HOMER2: variants seen among roughly 807,000 people sequenced by gnomAD.
HOMER2 encodes homer protein homolog 2.
A neutral mutation model predicts 47.0 loss-of-function variants in HOMER2; 27 were observed. The observed-to-expected ratio is 0.57, with a 90% CI of 0.42 to 0.79. The LOEUF (loss-of-function observed/expected upper bound fraction) is 0.79. HOMER2 is among the 30% of genes least tolerant of loss of function. HOMER2 has a pLI of 0.00. For missense variants in HOMER2, 443 were observed against 435.0 expected, an observed-to-expected ratio of 1.02 and a Z score of -0.16; for synonymous variants, 161 against 163.8, an observed-to-expected ratio of 0.98 and a Z score of 0.13.
intron 1 of HOMER2, among the ~76,000 whole-genome samples, chr15:82,960,434 A>G (rs762943653): frequency 7.9e-5 from 12 of 152,128 alleles, no homozygotes; most frequent in Non-Finnish European, 1.6e-4. Context: ...TGAGGGAATC[A>G]CCAGGGAGGA....
chr15:82,870,159 T>C (rs1256439), intron 3 of HOMER2, among the ~76,000 whole-genome samples: 77,797 of 152,088 alleles, frequency 0.51, 20,397 homozygotes, highest in African/African-American at 0.62. Context: ...AACACTACTG[T>C]TTGTTTATTC....
At chr15:82,955,372 T>A (rs1009545532), upstream of HOMER2, among the ~76,000 whole-genome samples, 1 of 151,790 alleles carries the variant, frequency 6.6e-6, no homozygotes, top group African/African-American at 2.4e-5. Flanking sequence ...GGTTTCACCA[T>A]GTTAGCTAGG....
Position 82,849,181 on chromosome 15 carries a change from AATGCACCC to A in HOMER2, c.*526_*533del, listed in dbSNP as rs1251854020. ...GGATGCAGGCAACTCCGGGCCAGAA[AATGCACCC>A]ACCAGAAGCTTGTTTTCCATCTCTC... On this transcript the variant is annotated 3_prime_UTR_variant, in exon 9 of 9. Coordinates refer to ENST00000450735, the MANE Select transcript of HOMER2 (RefSeq NM_004839.4). The A allele has an allele frequency of 6.6e-6, 1 of 152,580 alleles. No individual in the cohort carries two copies. The highest frequency in any genetic ancestry group is 1.5e-5 in the Non-Finnish European group (1 of 68,376). The allele number at this position is 152,580 out of a possible 1,614,324, so 9.5% of individuals were successfully genotyped here. A position where few individuals can be genotyped will look rare whatever the true frequency, so the allele number is the denominator to read the frequency against.
upstream of HOMER2, chr15:82,986,149 G>A (rs1021099701): frequency 3.1e-6 from 3 of 981,742 alleles, no homozygotes; most frequent in African/African-American, 5.2e-5. Flanking sequence ...CACACGGAGA[G>A]CCTTAGTTAT....
At chr15:82,971,370 AGAGAGAGAGAGATAGC>A (rs2029980284) in intron 1 of HOMER2, among the ~76,000 whole-genome samples, 1 of 151,442 alleles carries the variant, frequency 6.6e-6, no homozygotes, top group African/African-American at 2.4e-5. Flanking sequence ...GAATCAGGTG[AGAGAGAGAGAGATAGC>A]GAGAGAGAGA....
intron 1 of HOMER2, among the ~76,000 whole-genome samples, chr15:82,894,317 T>C (rs2052828777): frequency 6.6e-6 from 1 of 152,220 alleles, no homozygotes; most frequent in Non-Finnish European, 1.5e-5. Context: ...TGGCACAGAC[T>C]TATCACAAAA....
At chr15:82,870,327 T>C (rs1053117613) in intron 3 of HOMER2, among the ~76,000 whole-genome samples, 5 of 152,144 alleles carry the variant, frequency 3.3e-5, no homozygotes, top group African/African-American at 1.2e-4. Context: ...GGACCCAGCA[T>C]TGATAATGGG....
At chr15:82,972,163 C>T (rs1025155843) in intron 1 of HOMER2, among the ~76,000 whole-genome samples, 4 of 152,086 alleles carry the variant, frequency 2.6e-5, no homozygotes, top group African/African-American at 9.7e-5. Context: ...TTCCATTAGC[C>T]CAAAAAGATC....
intron 5 of HOMER2, among the ~76,000 whole-genome samples, chr15:82,855,217 T>C (rs1354097428): frequency 1.4e-5 from 2 of 145,806 alleles, no homozygotes; most frequent in African/African-American, 2.6e-5. Flanking sequence ...TCTCAGCTAC[T>C]CAGGAGGCTG....
At chr15:82,865,948 T>G (rs997251026) in intron 3 of HOMER2, among the ~76,000 whole-genome samples, 2 of 152,210 alleles carry the variant, frequency 1.3e-5, no homozygotes, top group Admixed American at 1.3e-4. Flanking sequence ...GCTAGGGCAG[T>G]GCAGAAGGGA....
chr15:82,960,557 T>G (rs1454146505), intron 1 of HOMER2, among the ~76,000 whole-genome samples: 1 of 152,154 alleles, frequency 6.6e-6, no homozygotes, highest in Admixed American at 6.5e-5. Flanking sequence ...ATCAACTTTT[T>G]AAAAAGCGAG....
chr15:82,946,354 C>G (rs1311934912), intron 1 of HOMER2, among the ~76,000 whole-genome samples: 1 of 152,208 alleles, frequency 6.6e-6, no homozygotes, highest in African/African-American at 2.4e-5. Context: ...AAAAGTCAAC[C>G]CAAAGACTGG....
chr15:82,953,192 C>T (rs980385195), upstream of HOMER2, among the ~76,000 whole-genome samples: 2 of 152,106 alleles, frequency 1.3e-5, no homozygotes, highest in African/African-American at 4.8e-5. Flanking sequence ...CATCTTCCTG[C>T]CAGTTGCCCG....
At chr15:82,872,716 G>A (rs186967661) in intron 3 of HOMER2, among the ~76,000 whole-genome samples, 5 of 149,228 alleles carry the variant, frequency 3.4e-5, no homozygotes, top group Admixed American at 1.3e-4. Flanking sequence ...TCCTGTTGTC[G>A]GGCAGACGAC....
At chr15:82,879,051 C>T (rs1257726771) in intron 2 of HOMER2, among the ~76,000 whole-genome samples, 1 of 152,234 alleles carries the variant, frequency 6.6e-6, no homozygotes, top group African/African-American at 2.4e-5. Flanking sequence ...TGTCTCCAAT[C>T]TGCTGTTAAA....
intron 1 of HOMER2, among the ~76,000 whole-genome samples, chr15:82,908,108 G>A (rs1021864574): frequency 2.0e-5 from 3 of 150,616 alleles, no homozygotes; most frequent in African/African-American, 4.9e-5. Context: ...AGCCAGGGTA[G>A]AGGAAATTGG....
intron 5 of HOMER2, among the ~76,000 whole-genome samples, chr15:82,855,562 C>T (rs866901485): frequency 1.4e-4 from 22 of 152,114 alleles, no homozygotes; most frequent in African/African-American, 5.3e-4. Context: ...AGCTTGGCTC[C>T]GGGGAATAAT....
rs893478400 is a variant in HOMER2, at chr15:82,849,457, C to A, written c.*258G>T. On this transcript the variant is annotated 3_prime_UTR_variant, in exon 9 of 9. Transcript: ENST00000450735. ...AAAGATATAAACATCCCTGCCCTGA[C>A]TGCATAAATGTTGAAGGTAGACCTA... 5.8e-6 allele frequency: 3 copies of A among 512,938 alleles called. No individual in the cohort carries two copies. The highest frequency in any genetic ancestry group is 3.5e-5 in the Admixed American group (1 of 28,784). 31.8% of individuals were successfully genotyped at this position (512,938 alleles called of 1,614,324 possible).
At chr15:82,897,896 A>G (rs1310299958) in intron 1 of HOMER2, among the ~76,000 whole-genome samples, 2 of 152,240 alleles carry the variant, frequency 1.3e-5, no homozygotes, top group African/African-American at 4.8e-5. Context: ...ACCCTGAAGC[A>G]AAGGGCCCAA....
Sources: allele counts gnomAD v4.1 joint callset (sites outside exome capture counted in the v4.1 genomes callset), GRCh38; gene constraint gnomAD v4.1.1; transcripts MANE v1.5; gene names NCBI Gene and HGNC (gene_info 2026-07-23, HGNC 2026-07-21).